Variants in FAT3 observed in about 807,000 individuals in gnomAD.
The protein encoded by FAT3 is FAT atypical cadherin 3.
A neutral mutation model predicts 310.2 loss-of-function variants in FAT3; 95 were observed. That is an observed-to-expected ratio of 0.31 (90% CI 0.26 to 0.36). FAT3 has a LOEUF of 0.36. FAT3 is among the 10% of genes least tolerant of loss of function. The probability of loss-of-function intolerance (pLI) is 1.00; values close to 1 mark genes in which losing one functional copy is unlikely to be tolerated. For missense variants in FAT3, 5,408 were observed against 5,715.6 expected (o/e 0.95, Z 1.74); for synonymous variants, 2,314 against 2,192.9 (o/e 1.06, Z -1.54).
At chr11:92,824,549 TG>T (rs1483325229) in intron 13 of FAT3, among the ~76,000 whole-genome samples, 1 of 152,190 alleles carries the variant, frequency 6.6e-6, no homozygotes. Context: ...TCGAGTGGTA[TG>T]GATGTTGACA....
At chr11:92,300,868 A>T (rs888725766) in intron 1 of FAT3, among the ~76,000 whole-genome samples, 15 of 152,116 alleles carry the variant, frequency 9.9e-5, no homozygotes, top group Non-Finnish European at 1.9e-4. Flanking sequence ...ATATTATTTT[A>T]AAAAATGAGC....
At chr11:92,421,033 A>G (rs1950523775) in intron 2 of FAT3, among the ~76,000 whole-genome samples, 1 of 152,192 alleles carries the variant, frequency 6.6e-6, no homozygotes, top group Non-Finnish European at 1.5e-5. Flanking sequence ...CCTGTCTCAG[A>G]TAATTCTCCT....
chr11:92,755,189 T>C (rs1945955114), intron 4 of FAT3, among the ~76,000 whole-genome samples: 1 of 151,636 alleles, frequency 6.6e-6, no homozygotes, highest in Admixed American at 6.6e-5. Context: ...ATATATTGTA[T>C]ACTTTAAAAT....
chr11:92,671,383 T>A (rs1943124045), intron 3 of FAT3, among the ~76,000 whole-genome samples: 1 of 152,070 alleles, frequency 6.6e-6, no homozygotes, highest in African/African-American at 2.4e-5. Context: ...GTTCATCAAG[T>A]TTTTTCTTTA....
intron 1 of FAT3, among the ~76,000 whole-genome samples, chr11:92,309,652 T>C (rs753920895): frequency 4.6e-5 from 7 of 152,152 alleles, no homozygotes; most frequent in Non-Finnish European, 8.8e-5. Flanking sequence ...AGGCCCTTCT[T>C]GTTACCCTGG....
intron 2 of FAT3, among the ~76,000 whole-genome samples, chr11:92,446,767 C>T (rs1010706186): frequency 6.6e-6 from 1 of 152,208 alleles, no homozygotes; most frequent in African/African-American, 2.4e-5. Flanking sequence ...ACAGGATCTT[C>T]TAGTTTTTGA....
intron 1 of FAT3, among the ~76,000 whole-genome samples, chr11:92,275,355 G>T (rs1032334789): frequency 4.6e-5 from 7 of 151,964 alleles, no homozygotes; most frequent in Admixed American, 1.3e-4. Context: ...CCAAACTCCT[G>T]TGTCTGGATT....
At chr11:92,550,692 A>G (rs1339325748) in intron 3 of FAT3, among the ~76,000 whole-genome samples, 1 of 151,810 alleles carries the variant, frequency 6.6e-6, no homozygotes, top group Non-Finnish European at 1.5e-5. Flanking sequence ...TTGGCAAGCT[A>G]TTACCCAAAT....
intron 2 of FAT3, among the ~76,000 whole-genome samples, chr11:92,363,116 C>A (rs1006739620): frequency 2.0e-5 from 3 of 152,166 alleles, no homozygotes; most frequent in Admixed American, 2.0e-4. Context: ...CTTTGATCTT[C>A]TAGAGGGAGA....
At chr11:92,656,463 T>C (rs1021196117) in intron 3 of FAT3, among the ~76,000 whole-genome samples, 3 of 152,248 alleles carry the variant, frequency 2.0e-5, no homozygotes, top group African/African-American at 7.2e-5. Context: ...TAGGAAGTTT[T>C]TATAATTCAA....
intron 13 of FAT3, among the ~76,000 whole-genome samples, chr11:92,814,116 A>G (rs565478627): frequency 3.8e-4 from 58 of 152,302 alleles, no homozygotes; most frequent in Non-Finnish European, 6.5e-4. Context: ...TTGATCTTGG[A>G]CTTCCCAGCC....
chr11:92,623,946 GA>G (rs946448169), intron 3 of FAT3, among the ~76,000 whole-genome samples: 34 of 149,296 alleles, frequency 2.3e-4, no homozygotes, highest in Non-Finnish European at 2.7e-4. Context: ...CTGCCTCAAA[GA>G]AAAAAAAAAT....
chr11:92,435,953 C>T (rs1223074416), intron 2 of FAT3, among the ~76,000 whole-genome samples: 1 of 152,110 alleles, frequency 6.6e-6, no homozygotes, highest in Non-Finnish European at 1.5e-5. Flanking sequence ...AATGTTAAAT[C>T]ATCCATGTGG....
intron 3 of FAT3, among the ~76,000 whole-genome samples, chr11:92,642,106 GC>G (rs1941986839): frequency 6.6e-6 from 1 of 152,218 alleles, no homozygotes; most frequent in African/African-American, 2.4e-5. Flanking sequence ...GAAAAGGGGG[GC>G]TGTGGATCTT....
chr11:92,785,290 A>G (rs917763364), intron 7 of FAT3, among the ~76,000 whole-genome samples: 10 of 152,308 alleles, frequency 6.6e-5, no homozygotes, highest in Middle Eastern at 6.8e-3. Context: ...ATAATATTTA[A>G]TGGAGAATAA....
At chr11:92,741,615 G>C (rs975708986) in intron 4 of FAT3, among the ~76,000 whole-genome samples, 5 of 152,172 alleles carry the variant, frequency 3.3e-5, no homozygotes, top group Admixed American at 3.3e-4. Flanking sequence ...GAATTTATCT[G>C]TTTGAACCTA....
chr11:92,746,168 G>A (rs73556502), intron 4 of FAT3, among the ~76,000 whole-genome samples: 4,172 of 152,296 alleles, frequency 0.027, 214 homozygotes, highest in African/African-American at 0.095. Flanking sequence ...CTCTGTATTA[G>A]TCTGTTCTCA....
chr11:92,875,889 G>A (rs2136380927), intron 22 of FAT3, among the ~76,000 whole-genome samples: 1 of 152,278 alleles, frequency 6.6e-6, no homozygotes, highest in South Asian at 2.1e-4. Context: ...TGCTCTAGAG[G>A]TAGTGTCTTA....
intron 2 of FAT3, among the ~76,000 whole-genome samples, chr11:92,361,925 C>A (rs1208279661): frequency 1.3e-5 from 2 of 152,224 alleles, no homozygotes; most frequent in African/African-American, 4.8e-5. Flanking sequence ...AGAGATGATG[C>A]TGGTAACAGT....
Sources: gnomAD v4.1 joint callset for allele counts (sites outside exome capture counted in the v4.1 genomes callset) on GRCh38, gnomAD v4.1.1 for gene constraint, MANE v1.5 for transcripts, NCBI Gene and HGNC (gene_info 2026-07-23, HGNC 2026-07-21) for gene names.